Variants in DLG2 observed in about 807,000 individuals in gnomAD.
The protein encoded by DLG2 is discs large MAGUK scaffold protein 2, also known as disks large homolog 2.
In DLG2, 45 loss-of-function variants were observed where a neutral mutation model predicts 132.5. The ratio of observed to expected loss-of-function variants is 0.34; its 90% CI spans 0.27 to 0.44. The LOEUF is 0.44. DLG2 is among the 20% of genes least tolerant of loss of function. The probability of loss-of-function intolerance (pLI) is 1.00; values close to 1 mark genes in which losing one functional copy is unlikely to be tolerated. For missense variants in DLG2, 1,045 were observed against 1,196.9 expected (o/e 0.87, Z 1.87); for synonymous variants, 424 against 419.6 (o/e 1.01, Z -0.13).
At position 84,333,699 on chromosome 11, in the gene DLG2, T is replaced by G. The variant is rs534259721; in HGVS notation, c.520-82408A>C. 2.0e-5 allele frequency among the ~76,000 whole-genome samples: 3 copies of G among 152,296 alleles called. No homozygotes were observed. The South Asian group carries it at 6.2e-4, about 32-fold the overall frequency. On this transcript the variant is annotated intron_variant, in intron 7 of 27. Transcript: ENST00000376104. ...AAAAAAAAGACAGCCATAGTGATGA[T>G]AAAGTCTATGTTCAGTTTTACATTT... is the stretch of plus-strand genomic sequence containing the variant.
At chr11:84,212,418 T>C (rs114611393) in intron 8 of DLG2, among the ~76,000 whole-genome samples, 21 of 152,278 alleles carry the variant, frequency 1.4e-4, no homozygotes, top group African/African-American at 4.8e-4. Context: ...ATTGCTGCAA[T>C]CCCCCTTGGG....
Position 83,848,926 on chromosome 11 carries a change from C to T in DLG2, c.1566-15156G>A, listed in dbSNP as rs956079717. ...ATTTAGCCATCTCCTGGGCAGTGTT[C>T]CCAGAGCATTTTATTTGGGGGCATT... On this transcript the variant is annotated intron_variant, in intron 16 of 27. Transcript: ENST00000376104. Among the ~76,000 whole-genome samples the T allele has an allele frequency of 1.5e-4, 23 of 152,178 alleles. 1 individual carries two copies. Among genetic ancestry groups the T allele is most frequent in the African/African-American group, 4.3e-4 (18 of 41,420 alleles).
At chr11:84,295,698 T>G (rs1358200233) in intron 7 of DLG2, among the ~76,000 whole-genome samples, 1 of 152,212 alleles carries the variant, frequency 6.6e-6, no homozygotes, top group African/African-American at 2.4e-5. Flanking sequence ...TGGTTTCTAC[T>G]TCTGTGCCTT....
chr11:83,997,730 C>CAAAAAAAAA (rs71066079), intron 11 of DLG2, among the ~76,000 whole-genome samples: 10 of 24,796 alleles, frequency 4.0e-4, no homozygotes, highest in African/African-American at 6.0e-4. Context: ...GACTCCATCT[C>CAAAAAAAAA]AAAAAAAAAA....
At chr11:85,321,093 T>A (rs1016248704) in intron 3 of DLG2, among the ~76,000 whole-genome samples, 3 of 151,914 alleles carry the variant, frequency 2.0e-5, no homozygotes, top group African/African-American at 7.2e-5. Flanking sequence ...AGGTAAGAGA[T>A]GATAGTGATT....
At chr11:84,028,657 G>C (rs1227814788) in intron 11 of DLG2, among the ~76,000 whole-genome samples, 1 of 151,976 alleles carries the variant, frequency 6.6e-6, no homozygotes, top group African/African-American at 2.4e-5. Context: ...CCTTACCATG[G>C]CCTCCTGCCT....
chr11:85,028,334 T>G (rs1276275278), intron 6 of DLG2, among the ~76,000 whole-genome samples: 1 of 152,032 alleles, frequency 6.6e-6, no homozygotes, highest in African/African-American at 2.4e-5. Context: ...CACCATAAGT[T>G]CTCACTGTAA....
chr11:83,605,164 C>T (rs2059164485), intron 19 of DLG2, among the ~76,000 whole-genome samples: 2 of 152,130 alleles, frequency 1.3e-5, no homozygotes, highest in South Asian at 4.1e-4. Flanking sequence ...ATTTTGTTTC[C>T]CATTTCTGCT....
chr11:84,832,404 C>G (rs748562066), intron 6 of DLG2, among the ~76,000 whole-genome samples: 2 of 151,592 alleles, frequency 1.3e-5, no homozygotes, highest in South Asian at 2.1e-4. Context: ...CAAACAAAAG[C>G]CTGGTGCTTC....
chr11:83,492,185 C>G (rs956069000), intron 21 of DLG2, among the ~76,000 whole-genome samples: 1 of 152,036 alleles, frequency 6.6e-6, no homozygotes, highest in African/African-American at 2.4e-5. Context: ...CTTCATGTTG[C>G]CCAATCAAAT....
intron 21 of DLG2, among the ~76,000 whole-genome samples, chr11:83,524,019 T>C (rs887044816): frequency 5.3e-5 from 8 of 152,144 alleles, no homozygotes; most frequent in Non-Finnish European, 1.0e-4. Flanking sequence ...ATTTGGAATC[T>C]AAAGAAAAGA....
At chr11:83,777,577 C>A (rs2094633506) in intron 18 of DLG2, among the ~76,000 whole-genome samples, 1 of 152,134 alleles carries the variant, frequency 6.6e-6, no homozygotes, top group African/African-American at 2.4e-5. Context: ...AAGATTTAGG[C>A]CACAATGGTT....
chr11:84,422,042 C>T (rs1173784324), intron 7 of DLG2, among the ~76,000 whole-genome samples: 3 of 152,204 alleles, frequency 2.0e-5, no homozygotes, highest in Admixed American at 6.5e-5. Context: ...AATTGTCATG[C>T]TATATGGTCG....
chr11:85,502,359 C>T (rs1453305616), intron 3 of DLG2, among the ~76,000 whole-genome samples: 8 of 151,306 alleles, frequency 5.3e-5, no homozygotes, highest in African/African-American at 9.7e-5. Flanking sequence ...CGACACGACA[C>T]GTGTATACCT....
chr11:84,628,204 C>T (rs1164418084), intron 6 of DLG2, among the ~76,000 whole-genome samples: 1 of 152,002 alleles, frequency 6.6e-6, no homozygotes, highest in Non-Finnish European at 1.5e-5. Context: ...ACACTTAACA[C>T]AGCACCTGGC....
At chr11:85,010,123 G>T (rs2059024792) in intron 6 of DLG2, among the ~76,000 whole-genome samples, 1 of 152,048 alleles carries the variant, frequency 6.6e-6, no homozygotes, top group African/African-American at 2.4e-5. Flanking sequence ...ATAGTACAAA[G>T]ATCAATGCAA....
intron 6 of DLG2, among the ~76,000 whole-genome samples, chr11:84,712,809 G>C (rs970346858): frequency 2.0e-5 from 3 of 152,100 alleles, no homozygotes; most frequent in African/African-American, 4.8e-5. Context: ...AAACTTGTCA[G>C]TTTCTCTTTT....
intron 6 of DLG2, among the ~76,000 whole-genome samples, chr11:84,642,836 A>T (rs1428154232): frequency 2.1e-5 from 3 of 146,020 alleles, no homozygotes; most frequent in Non-Finnish European, 4.5e-5. Context: ...ACACAAAGAA[A>T]AGACAAAGTC....
At chr11:85,285,155 C>A in intron 4 of DLG2, 65 bp downstream of exon 4, 6 of 1,391,786 alleles carry the variant, frequency 4.3e-6, no homozygotes, top group South Asian at 2.7e-5. Flanking sequence ...CCACTACTAC[C>A]ATTACTTCTT....
Sources: allele counts gnomAD v4.1 joint callset (sites outside exome capture counted in the v4.1 genomes callset), GRCh38; gene constraint gnomAD v4.1.1; transcripts MANE v1.5; gene names NCBI Gene and HGNC (gene_info 2026-07-23, HGNC 2026-07-21).